ATXN7: variants seen among roughly 807,000 people sequenced by gnomAD.
The protein encoded by ATXN7 is ataxin 7, also known as ataxin-7.
In ATXN7, 12 loss-of-function variants were observed where a neutral mutation model predicts 70.5. The observed-to-expected ratio is 0.17, with a 90% confidence interval of 0.11 to 0.28. The LOEUF (loss-of-function observed/expected upper bound fraction) is 0.28. Ranked by LOEUF, ATXN7 falls within the 10% of genes least tolerant of loss-of-function variation. ATXN7 has a pLI of 1.00. For missense variants in ATXN7, 1,256 were observed against 1,131.7 expected (o/e 1.11, Z -1.58); for synonymous variants, 498 against 448.7 (o/e 1.11, Z -1.39).
Position 63,898,000 on chromosome 3 carries a change from C to T in ATXN7, c.-110-399C>T, listed in dbSNP as rs907858522. Among the ~76,000 whole-genome samples the T allele has an allele frequency of 4.6e-5, 7 of 152,174 alleles. No homozygotes were observed. The South Asian group carries it at 1.0e-3, about 22-fold the overall frequency. On this transcript the variant is annotated intron_variant, in intron 1 of 12. Coordinates refer to ENST00000674280, the MANE Select transcript of ATXN7 (RefSeq NM_001377405.1). ...AAATGATAAAGAACGACAGCTTGAG[C>T]TCTCCAGATAATAATCTCATTCAAT...
intron 5 of ATXN7, among the ~76,000 whole-genome samples, chr3:63,979,381 T>A (rs1559654453): frequency 6.6e-6 from 1 of 152,158 alleles, no homozygotes; most frequent in African/African-American, 2.4e-5. Context: ...TAGGGAACGA[T>A]AAGATAACCC....
chr3:63,914,993 GCAACCTCCA>G (rs1477077320), intron 4 of ATXN7, among the ~76,000 whole-genome samples: 18 of 152,092 alleles, frequency 1.2e-4, no homozygotes, highest in Admixed American at 6.5e-5. Flanking sequence ...TTGGCTCAGT[GCAACCTCCA>G]CCTCCTCAGT....
intron 1 of ATXN7, among the ~76,000 whole-genome samples, chr3:63,887,343 A>T (rs1040895786): frequency 1.3e-5 from 2 of 152,224 alleles, no homozygotes; most frequent in African/African-American, 4.8e-5. Context: ...TTATTGGCAC[A>T]TTGCAAAAAT....
chr3:63,915,170 C>T (rs554904409), intron 4 of ATXN7, among the ~76,000 whole-genome samples: 108 of 152,152 alleles, frequency 7.1e-4, no homozygotes, highest in Admixed American at 1.1e-3. Context: ...CTCCTAACCT[C>T]GTGACCCACC....
intron 2 of ATXN7, among the ~76,000 whole-genome samples, chr3:63,902,801 A>G (rs1703693045): frequency 6.6e-6 from 1 of 152,176 alleles, no homozygotes; most frequent in Admixed American, 6.5e-5. Flanking sequence ...GAGTTTTGTG[A>G]CAATCTCACA....
intron 1 of ATXN7, among the ~76,000 whole-genome samples, chr3:63,893,570 G>C (rs537673815): frequency 6.6e-6 from 1 of 152,236 alleles, no homozygotes; most frequent in African/African-American, 2.4e-5. Context: ...GAAAATGGAG[G>C]CTCCTTTAAA....
intron 1 of ATXN7, among the ~76,000 whole-genome samples, chr3:63,875,384 G>T (rs1467746717): frequency 6.6e-6 from 1 of 152,148 alleles, no homozygotes; most frequent in East Asian, 1.9e-4. Flanking sequence ...GAGCCACTGT[G>T]CCCAGCCTAG....
intron 1 of ATXN7, among the ~76,000 whole-genome samples, chr3:63,877,584 A>G (rs1478679072): frequency 2.0e-5 from 3 of 152,194 alleles, no homozygotes; most frequent in Admixed American, 6.5e-5. Context: ...AACTGTCTAT[A>G]TCTGTCTGTG....
At chr3:63,895,684 A>G (rs1331900767) in intron 1 of ATXN7, among the ~76,000 whole-genome samples, 1 of 152,016 alleles carries the variant, frequency 6.6e-6, no homozygotes, top group Non-Finnish European at 1.5e-5. Flanking sequence ...TCCCAGGCAG[A>G]GATTCTCTCT....
intron 5 of ATXN7, among the ~76,000 whole-genome samples, chr3:63,974,771 G>A (rs187664391): frequency 1.8e-4 from 27 of 152,312 alleles, no homozygotes; most frequent in Admixed American, 1.4e-3. Context: ...TCATCAGCCA[G>A]TTGTTTGGAT....
intron 1 of ATXN7, among the ~76,000 whole-genome samples, chr3:63,894,474 T>G (rs1429607028): frequency 2.0e-5 from 3 of 152,234 alleles, no homozygotes; most frequent in East Asian, 3.8e-4. Flanking sequence ...TGAATAACAC[T>G]GCCAATTCTA....
At chr3:63,995,388 G>T in intron 11 of ATXN7, 117 bp from the exon 12 acceptor site, 1 of 1,136,612 alleles carries the variant, frequency 8.8e-7, no homozygotes. Flanking sequence ...GTAGTTCAGA[G>T]TGATTGCTTT....
At chr3:63,931,054 G>A (rs1233362865) in intron 4 of ATXN7, among the ~76,000 whole-genome samples, 1 of 152,186 alleles carries the variant, frequency 6.6e-6, no homozygotes, top group Non-Finnish European at 1.5e-5. Flanking sequence ...GGATCTAGAA[G>A]AGGTGGACCC....
At chr3:63,928,560 G>C (rs1272897463) in intron 4 of ATXN7, among the ~76,000 whole-genome samples, 7 of 152,170 alleles carry the variant, frequency 4.6e-5, no homozygotes, top group Non-Finnish European at 8.8e-5. Context: ...TGAGTAAAGA[G>C]CTTTACATGG....
chr3:63,916,471 T>A (rs1200973732), intron 4 of ATXN7, among the ~76,000 whole-genome samples: 1 of 152,266 alleles, frequency 6.6e-6, no homozygotes. Context: ...CCTCTCTGCC[T>A]GTTTTTTCTT....
intron 11 of ATXN7, among the ~76,000 whole-genome samples, chr3:63,994,647 C>T (rs1244319489): frequency 6.6e-6 from 1 of 152,242 alleles, no homozygotes. Flanking sequence ...TAGGCCAGCT[C>T]TCTCACTGGG....
Position 63,999,799 on chromosome 3 carries a change from C to G in ATXN7, c.*332C>G. 1 of 467,248 alleles carries G rather than the reference C, an allele frequency of 2.1e-6. No homozygotes were observed. The allele number at this position is 467,248 out of a possible 1,614,324, so 28.9% of individuals were successfully genotyped here. ...ACTTGCAGTATATCACAGAGCCACT[C>G]TTCAAGTAGATTGGCTGGGCAAAAG... On this transcript the variant is annotated 3_prime_UTR_variant, in exon 13 of 13. Transcript: ENST00000674280.
intron 1 of ATXN7, among the ~76,000 whole-genome samples, chr3:63,890,282 A>G (rs1217115081): frequency 6.6e-6 from 1 of 152,194 alleles, no homozygotes; most frequent in Non-Finnish European, 1.5e-5. Flanking sequence ...TTTAAAGAAT[A>G]TAATTATATC....
chr3:63,915,007 C>A (rs1420943033), intron 4 of ATXN7, among the ~76,000 whole-genome samples: 1 of 152,166 alleles, frequency 6.6e-6, no homozygotes, highest in East Asian at 1.9e-4. Flanking sequence ...CCTCCACCTC[C>A]TCAGTGCAAC....
Sources: gnomAD v4.1 joint callset for allele counts (sites outside exome capture counted in the v4.1 genomes callset) on GRCh38, gnomAD v4.1.1 for gene constraint, MANE v1.5 for transcripts, NCBI Gene and HGNC (gene_info 2026-07-23, HGNC 2026-07-21) for gene names.